The following DPH6 variants were observed in gnomAD, a reference collection of about 807,000 sequenced individuals.
DPH6 encodes diphthine--ammonia ligase.
Under a neutral mutation model 38.2 loss-of-function variants are expected in DPH6, and 33 were observed. The observed-to-expected ratio is 0.86, with a 90% CI of 0.65 to 1.15. The LOEUF (loss-of-function observed/expected upper bound fraction) is 1.15. DPH6 is among the 50% of genes most tolerant of loss of function. The pLI is 0.00. For synonymous variants in DPH6, 108 were observed against 103.0 expected (o/e 1.05, Z -0.30); for missense variants, 325 against 320.0 (o/e 1.02, Z -0.12).
chr15:35,513,841 G>A (rs1374461371), intron 3 of DPH6, among the ~76,000 whole-genome samples: 1 of 151,660 alleles, frequency 6.6e-6, no homozygotes, highest in Non-Finnish European at 1.5e-5. Context: ...TAATTGACAA[G>A]CTAAAAATCT....
chr15:35,253,789 T>C (rs764256781), intron 3 of DPH6, among the ~76,000 whole-genome samples: 13 of 152,160 alleles, frequency 8.5e-5, no homozygotes, highest in Non-Finnish European at 1.9e-4. Flanking sequence ...CTGCAAGGAT[T>C]ATTTGGTGAA....
At chr15:35,268,896 A>T (rs575614526) in intron 3 of DPH6, among the ~76,000 whole-genome samples, 2 of 152,292 alleles carry the variant, frequency 1.3e-5, no homozygotes, top group African/African-American at 2.4e-5. Flanking sequence ...TAGGCAGAGG[A>T]GAATCAAATA....
At chr15:35,290,583 A>G (rs1247288377) in intron 3 of DPH6, among the ~76,000 whole-genome samples, 1 of 152,172 alleles carries the variant, frequency 6.6e-6, no homozygotes, top group Non-Finnish European at 1.5e-5. Context: ...AGCCTTAACA[A>G]CCTTTTGTGG....
chr15:35,291,023 A>AC (rs1238367988), intron 3 of DPH6, among the ~76,000 whole-genome samples: 4 of 152,068 alleles, frequency 2.6e-5, no homozygotes, highest in African/African-American at 9.7e-5. Flanking sequence ...CCAAAAACTA[A>AC]CCTAACATTC....
chr15:35,275,907 T>A (rs113053259), intron 3 of DPH6, among the ~76,000 whole-genome samples: 5,467 of 152,214 alleles, frequency 0.036, 297 homozygotes, highest in African/African-American at 0.12. Context: ...TGCTGTAAAC[T>A]TGCGTGTACA....
intron 3 of DPH6, chr15:35,521,741 T>C (rs1002774194): frequency 2.0e-5 from 25 of 1,232,234 alleles, no homozygotes; most frequent in African/African-American, 3.1e-5. Context: ...CAAAGCTTGA[T>C]TGTGAGCAAT....
intron 3 of DPH6, among the ~76,000 whole-genome samples, chr15:35,310,982 C>A (rs2052136625): frequency 1.3e-5 from 2 of 151,676 alleles, no homozygotes. Flanking sequence ...TCGCTTGAAC[C>A]CGGGAGGAGG....
the DPH6 span, among the ~76,000 whole-genome samples, chr15:35,206,189 A>AT: frequency 2.0e-5 from 3 of 152,062 alleles, no homozygotes; most frequent in Non-Finnish European, 4.4e-5. Context: ...AGTCCTCTGG[A>AT]TTTTGTTTAT....
intron 3 of DPH6, among the ~76,000 whole-genome samples, chr15:35,314,765 TA>T (rs890506090): frequency 1.3e-5 from 2 of 151,892 alleles, no homozygotes; most frequent in Non-Finnish European, 2.9e-5. Context: ...TTAGCAAAAA[TA>T]AAAAAAATCA....
At chr15:35,310,110 T>C (rs1407127010) in intron 3 of DPH6, among the ~76,000 whole-genome samples, 3 of 152,172 alleles carry the variant, frequency 2.0e-5, no homozygotes, top group Non-Finnish European at 4.4e-5. Context: ...TAAATCAGAA[T>C]GAAACTCATC....
At chr15:35,284,865 T>C (rs1938648954) in intron 3 of DPH6, among the ~76,000 whole-genome samples, 1 of 129,928 alleles carries the variant, frequency 7.7e-6, no homozygotes, top group African/African-American at 2.8e-5. Context: ...CAGGCTGGAA[T>C]GCAGTGGTGC....
chr15:35,465,345 T>C (rs2054114215), intron 3 of DPH6, among the ~76,000 whole-genome samples: 2 of 152,230 alleles, frequency 1.3e-5, no homozygotes, highest in African/African-American at 2.4e-5. Context: ...ACTTGCATTA[T>C]AGCTCTGAGT....
At chr15:35,337,877 A>G (rs112048533) in intron 3 of DPH6, among the ~76,000 whole-genome samples, 1 of 152,030 alleles carries the variant, frequency 6.6e-6, no homozygotes, top group Non-Finnish European at 1.5e-5. Context: ...AAATAATGCC[A>G]CATATCTACA....
intron 3 of DPH6, chr15:35,519,196 A>T (rs2054887631): frequency 6.6e-6 from 1 of 151,964 alleles, no homozygotes; most frequent in South Asian, 2.1e-4. Context: ...GAAATCTAAA[A>T]TTTAAATCAA....
chr15:35,274,937 C>T (rs780976818), intron 3 of DPH6, among the ~76,000 whole-genome samples: 4 of 150,612 alleles, frequency 2.7e-5, no homozygotes, highest in Non-Finnish European at 3.0e-5. Context: ...TTTTTTGAGA[C>T]GGAGTCTGGC....
intron 3 of DPH6, among the ~76,000 whole-genome samples, chr15:35,481,849 G>A (rs1194434694): frequency 6.6e-6 from 1 of 152,086 alleles, no homozygotes; most frequent in East Asian, 1.9e-4. Context: ...AATAATAAAA[G>A]GCTATAAAAG....
chr15:35,242,055 G>T (rs201812611), intron 3 of DPH6, among the ~76,000 whole-genome samples: 6,659 of 103,326 alleles, frequency 0.064, 27 homozygotes, highest in South Asian at 0.12. Context: ...CTTTGCACCC[G>T]TCATCCCAGC....
At chr15:35,352,817 A>C (rs2052526916) in intron 3 of DPH6, among the ~76,000 whole-genome samples, 1 of 152,168 alleles carries the variant, frequency 6.6e-6, no homozygotes, top group African/African-American at 2.4e-5. Context: ...GGCTGGGTCA[A>C]ATGATATTTC....
the DPH6 span, among the ~76,000 whole-genome samples, chr15:35,175,279 AT>A: frequency 6.6e-6 from 1 of 152,150 alleles, no homozygotes; most frequent in Non-Finnish European, 1.5e-5. Flanking sequence ...CACATGCTCA[AT>A]TTTCATCCAC....
Sources: allele counts gnomAD v4.1 joint callset (sites outside exome capture counted in the v4.1 genomes callset), GRCh38; gene constraint gnomAD v4.1.1; transcripts MANE v1.5; gene names NCBI Gene and HGNC (gene_info 2026-07-23, HGNC 2026-07-21).